ZACN: variants seen among roughly 807,000 people sequenced by gnomAD.
The protein encoded by ZACN is ligand-gated cation channel ZACN.
A neutral mutation model predicts 38.9 loss-of-function variants in ZACN; 52 were observed. The ratio of observed to expected loss-of-function variants is 1.34; its 90% CI spans 1.07 to 1.68. The LOEUF (loss-of-function observed/expected upper bound fraction) is 1.68, where lower values mean the gene tolerates loss of function less well. ZACN is among the 40% of genes most tolerant of loss of function. The pLI is 0.00. For synonymous variants in ZACN, 235 were observed against 227.4 expected (o/e 1.03, Z -0.30); for missense variants, 559 against 525.6 (o/e 1.06, Z -0.62).
chr17:76,079,966 T>A lies in ZACN; in HGVS notation c.346T>A (p.Trp116Arg), dbSNP rs878985790. 4.4e-6 allele frequency: 7 copies of A among 1,594,496 alleles called. No homozygotes were observed. In the South Asian group the frequency reaches 6.8e-5, roughly 16 times the overall value. ...CATCACGCTGCCCTGGGAGTCTCTCTGGACACCAAGGCTCACCATCCTGGA... is the reference window on the plus strand; with the variant it reads ...CATCACGCTGCCCTGGGAGTCTCTCAGGACACCAAGGCTCACCATCCTGGA... ...HAITLPWESL[W>R]TPRLTILEAL... Residue 116 changes from tryptophan to arginine, a missense_variant, in exon 4 of 9, where the codon TGG (tryptophan) becomes AGG (arginine). Trp to Arg is a moderately radical substitution (Grantham distance 101, BLOSUM62 -3). Coordinates refer to ENST00000334586, the MANE Select transcript of ZACN (RefSeq NM_180990.4).
In ZACN at chr17:76,079,992, G is replaced by A; in HGVS notation, c.372G>A (p.Glu124=). 6.3e-7 allele frequency: 1 copy of A among 1,575,124 alleles called. No homozygotes were observed. ...SLWTPRLTIL[E]ALWVDWRDQS... is the part of the protein sequence containing the mutation. ...GGACACCAAGGCTCACCATCCTGGA[G>A]GCGTAAGTGAGACAGTTCCTGCCCC... Residue 124 remains glutamate (E), a splice_region_variant and synonymous_variant, in exon 4 of 9, where the codon GAG becomes GAA. Coordinates refer to ENST00000334586, the MANE Select transcript of ZACN (RefSeq NM_180990.4).
intron 2 of ZACN, 49 bp downstream of exon 2, chr17:76,079,612 C>G (rs748105216): frequency 1.9e-6 from 3 of 1,613,220 alleles, no homozygotes; most frequent in Non-Finnish European, 2.5e-6. Context: ...GGGCAGGGAA[C>G]AGGACTCAGC....
chr17:76,082,535 A>G lies in ZACN; in HGVS notation c.1121A>G (p.Tyr374Cys), dbSNP rs2067026798. The G allele has an allele frequency of 1.9e-6, 3 of 1,613,794 alleles. No homozygotes were observed. Among genetic ancestry groups the G allele is most frequent in the Admixed American group, 1.7e-5 (1 of 60,006 alleles). The change falls in exon 9 of 9, where the codon TAT becomes TGT. Residue 374 changes from tyrosine to cysteine, a missense_variant. Coordinates refer to ENST00000334586, the MANE Select transcript of ZACN (RefSeq NM_180990.4). ...ETADRIFFLV[Y>C]VVGVLCTQFV... ...GCTGACCGCATCTTCTTCCTCGTGT[A>G]TGTGGTTGGGGTGCTGTGCACCCAA...
At position 76,080,728 on chromosome 17, in the gene ZACN, C is replaced by T. The variant is rs73361864; in HGVS notation, c.544+304C>T. On this transcript the variant is annotated intron_variant, in intron 5 of 8. Coordinates refer to ENST00000334586, the MANE Select transcript of ZACN (RefSeq NM_180990.4). ...CAGCAGCTCTGCAATCCCAGAGGTC[C>T]GAGCACATCAGTCTTCTGTCCTCCC... 1,673 of 532,362 alleles carry T rather than the reference C, an allele frequency of 3.1e-3. 12 individuals carry two copies. The highest frequency in any genetic ancestry group is 0.019 in the African/African-American group (1,023 of 53,098). 33.0% of individuals were successfully genotyped at this position (532,362 alleles called of 1,614,324 possible).
chr17:76,081,421 A>C lies in ZACN; in HGVS notation c.669+19A>C, dbSNP rs1202134200. The C allele has an allele frequency of 3.7e-6, 6 of 1,613,642 alleles. No homozygotes were observed. The highest frequency in any genetic ancestry group is 5.1e-6 in the Non-Finnish European group (6 of 1,179,896). ...GGTGACGGTGAGTCAAGTCGGGAGG[A>C]GGCCGACAGAGGGCTGCTGGAGGCG... is the stretch of plus-strand genomic sequence containing the variant. On this transcript the variant is annotated intron_variant, in intron 6 of 8. Coordinates refer to ENST00000334586, the MANE Select transcript of ZACN (RefSeq NM_180990.4).
chr17:76,082,103 G>A (rs1004920342), intron 8 of ZACN, 54 bp downstream of exon 8: 76 of 1,533,330 alleles, frequency 5.0e-5, no homozygotes, highest in Non-Finnish European at 6.6e-5. Flanking sequence ...CCTAGGGCTG[G>A]GGTGAGGGCA....
chr17:76,080,925 T>A (rs1187142952), intron 5 of ZACN: 6 of 421,462 alleles, frequency 1.4e-5, no homozygotes, highest in Non-Finnish European at 2.8e-5. Context: ...TACCCTTCCC[T>A]CCATGAGAGA....
Position 76,082,020 on chromosome 17 carries a change from AC to A in ZACN, c.1020del (p.His340GlnfsTer16). On this transcript the variant is annotated frameshift_variant, in exon 8 of 9. Transcript: ENST00000334586. LOFTEE classifies it low-confidence loss of function (END_TRUNC). ...SPAPRGEQRE[H>X]GNPGPHPAEE... ...GCCCCGAGAGGGGAACAGCGAGAGCACGGCAACCCAGGGCCTCATCCTGCTG... is the reference window on the plus strand; with the variant it reads ...GCCCCGAGAGGGGAACAGCGAGAGCAGGCAACCCAGGGCCTCATCCTGCTG... 12 of 1,611,122 alleles carry A rather than the reference AC, an allele frequency of 7.4e-6. No homozygotes were observed. Among genetic ancestry groups the A allele is most frequent in the Non-Finnish European group, 1.0e-5 (12 of 1,179,270 alleles).
intron 5 of ZACN, chr17:76,080,914 C>T: frequency 4.6e-6 from 2 of 438,140 alleles, no homozygotes; most frequent in South Asian, 3.4e-5. Context: ...CAGAGAAGTC[C>T]TACCCTTCCC....
chr17:76,079,615 G>A lies in ZACN; in HGVS notation c.222+52G>A, dbSNP rs370494244. 1.7e-5 allele frequency: 27 copies of A among 1,613,172 alleles called. No individual in the cohort carries two copies. The African/African-American group carries it at 3.5e-4, about 21-fold the overall frequency. ...AAGTGCTGAGCTGGGCAGGGAACAG[G>A]ACTCAGCCCTGGATAGTGCTGGGGT... On this transcript the variant is annotated intron_variant, in intron 2 of 8. Transcript: ENST00000334586.
intron 3 of ZACN, 51 bp from the exon 4 acceptor site, chr17:76,079,829 AGCTTAGGG>A: frequency 6.3e-7 from 1 of 1,598,232 alleles, no homozygotes; most frequent in Non-Finnish European, 8.5e-7. Context: ...CAACATGCTG[AGCTTAGGG>A]GCATGGATAT....
intron 5 of ZACN, 57 bp downstream of exon 5, chr17:76,080,481 G>A: frequency 6.3e-7 from 1 of 1,597,244 alleles, no homozygotes; most frequent in Non-Finnish European, 8.5e-7. Flanking sequence ...GTGGGGGAGG[G>A]GAACTCCCAG....
In ZACN at chr17:76,079,729, A is replaced by T. The variant is rs770473701; in HGVS notation, c.250A>T (p.Met84Leu). ...CATCCTGCGATACACAATGTCCTCC[A>T]TGCTGCTGCTTAGGCTGGTGAGCTC... Reference protein sequence around the residue: ...VDILRYTMSSMLLLRLSWLDT... With the variant: ...VDILRYTMSSLLLLRLSWLDT... Residue 84 changes from methionine (M) to leucine (L), a missense_variant, in exon 3 of 9, where the codon ATG (methionine) becomes TTG (leucine). Physicochemically the swap from Met to Leu is conservative, Grantham distance 15. Transcript: ENST00000334586. 3.7e-6 allele frequency: 6 copies of T among 1,613,756 alleles called. No homozygotes were observed. Among genetic ancestry groups the T allele is most frequent in the Non-Finnish European group, 5.1e-6 (6 of 1,179,800 alleles).
Position 76,080,315 on chromosome 17 carries a change from G to A in ZACN, c.435G>A (p.Val145=). The A allele has an allele frequency of 6.2e-7, 1 of 1,613,890 alleles. No homozygotes were observed. Among genetic ancestry groups the A allele is most frequent in the Non-Finnish European group, 8.5e-7 (1 of 1,179,884 alleles). The change falls in exon 5 of 9, where the codon GTG becomes GTA. Residue 145 remains valine (V), a synonymous_variant. Transcript: ENST00000334586. The part of the protein sequence containing the change: ...PQARVDQDGH[V]KLNLALATET... ...CTCGAGTAGACCAGGACGGCCACGT[G>A]AAGCTCAACCTGGCCCTCGCCACGG...
Position 76,079,518 on chromosome 17 carries a change from C to A in ZACN, c.177C>A (p.Pro59=). The A allele has an allele frequency of 6.2e-7, 1 of 1,614,162 alleles. No individual in the cohort carries two copies. The change falls in exon 2 of 9, where the codon CCC becomes CCA. Residue 59 remains proline, a synonymous_variant. Coordinates refer to ENST00000334586, the MANE Select transcript of ZACN (RefSeq NM_180990.4). ...SIQIPNNGSA[P]LLVDVRVFVS... ...AGATCCCGAACAATGGGAGTGCGCC[C>A]CTGCTCGTGGATGTGCGGGTGTTTG...
intron 7 of ZACN, 62 bp from the exon 8 acceptor site, chr17:76,081,820 G>C (rs750555414): frequency 6.2e-7 from 1 of 1,610,924 alleles, no homozygotes; most frequent in Non-Finnish European, 8.5e-7. Flanking sequence ...TGCTCAGCTC[G>C]CTGGGCACCA....
At chr17:76,080,894 T>C (rs983732256) in intron 5 of ZACN, 11 of 452,718 alleles carry the variant, frequency 2.4e-5, no homozygotes, top group African/African-American at 1.6e-4. Context: ...TCAGGTGACA[T>C]CTAACTTGGC....
In ZACN at chr17:76,080,277, C is replaced by T. The variant is rs1424164312; in HGVS notation, c.397C>T (p.Gln133Ter). 6.2e-7 allele frequency: 1 copy of T among 1,613,764 alleles called. No homozygotes were observed. The highest frequency in any genetic ancestry group is 1.7e-5 in the Admixed American group (1 of 60,020). Reference sequence around the variant, plus strand: ...CAGGCTCTGGGTGGACTGGAGGGACCAGAGCCCCCAGGCTCGAGTAGACCA... The same window carrying T: ...CAGGCTCTGGGTGGACTGGAGGGACTAGAGCCCCCAGGCTCGAGTAGACCA... ...LEALWVDWRD[Q>*]SPQARVDQDG... The change falls in exon 5 of 9, where the codon CAG becomes TAG. Residue 133 changes from glutamine to a stop codon, truncating the protein, a stop_gained. Transcript: ENST00000334586. LOFTEE classifies it high-confidence loss of function.
intron 5 of ZACN, 101 bp from the exon 6 acceptor site, chr17:76,081,177 A>G (rs2066952935): frequency 6.6e-7 from 1 of 1,526,196 alleles, no homozygotes; most frequent in South Asian, 1.3e-5. Flanking sequence ...GCCAAAAGCC[A>G]TCAAAAGTCT....
Sources: gnomAD v4.1 joint callset for allele counts on GRCh38, gnomAD v4.1.1 for gene constraint, MANE v1.5 for transcripts, NCBI Gene and HGNC (gene_info 2026-07-23, HGNC 2026-07-21) for gene names.